Variants in PAFAH1B1 observed in about 807,000 individuals in gnomAD.
The protein encoded by PAFAH1B1 is platelet activating factor acetylhydrolase 1b regulatory subunit 1.
In PAFAH1B1, 2 loss-of-function variants were observed where a neutral mutation model predicts 57.5. The observed-to-expected ratio is 0.03, with a 90% confidence interval of 0.01 to 0.11. The LOEUF (loss-of-function observed/expected upper bound fraction) is 0.11, where lower values mean the gene tolerates loss of function less well. PAFAH1B1 is among the 10% of genes least tolerant of loss of function. The probability of loss-of-function intolerance (pLI) is 1.00; values close to 1 mark genes in which losing one functional copy is unlikely to be tolerated. For missense variants in PAFAH1B1, 257 were observed against 512.0 expected, an observed-to-expected ratio of 0.50 and a Z score of 4.81; for synonymous variants, 152 against 169.6, an observed-to-expected ratio of 0.90 and a Z score of 0.81.
chr17:2,593,338 G>C (rs973974134), upstream of PAFAH1B1: 1 of 152,612 alleles, frequency 6.6e-6, no homozygotes, highest in Admixed American at 6.5e-5. Context: ...GAGGTGAGCA[G>C]AGCCAGAGTT....
intron 9 of PAFAH1B1, among the ~76,000 whole-genome samples, chr17:2,677,962 TTAAAA>T (rs949163313): frequency 6.6e-6 from 1 of 151,970 alleles, no homozygotes; most frequent in Non-Finnish European, 1.5e-5. Context: ...TGATATATAA[TTAAAA>T]TAAAGCAGGC....
chr17:2,623,538 G>A (rs190412631), intron 1 of PAFAH1B1, among the ~76,000 whole-genome samples: 3 of 151,726 alleles, frequency 2.0e-5, no homozygotes, highest in East Asian at 1.9e-4. Flanking sequence ...GATTACAGGC[G>A]TGAGCCACTG....
chr17:2,677,166 T>C (rs2069283316), intron 9 of PAFAH1B1, among the ~76,000 whole-genome samples: 1 of 152,058 alleles, frequency 6.6e-6, no homozygotes, highest in South Asian at 2.1e-4. Context: ...AAAAATAAAA[T>C]AAAACAAATG....
chr17:2,648,347 A>G (rs1223036688), intron 2 of PAFAH1B1, among the ~76,000 whole-genome samples: 1 of 152,006 alleles, frequency 6.6e-6, no homozygotes, highest in Non-Finnish European at 1.5e-5. Context: ...ATCACCAAGT[A>G]TAATTTTTCC....
intron 1 of PAFAH1B1, among the ~76,000 whole-genome samples, chr17:2,605,867 GTGATGATTGA>G (rs535104750): frequency 6.3e-4 from 96 of 152,288 alleles, no homozygotes; most frequent in African/African-American, 1.9e-3. Flanking sequence ...TGTTATTATG[GTGATGATTGA>G]TGATGATTAA....
chr17:2,658,175 T>C (rs1052917619), intron 2 of PAFAH1B1, among the ~76,000 whole-genome samples: 1 of 152,242 alleles, frequency 6.6e-6, no homozygotes, highest in Admixed American at 6.5e-5. Context: ...CAGTCAATAA[T>C]ATAGTAACTT....
chr17:2,660,127 C>T (rs555254158), intron 2 of PAFAH1B1, among the ~76,000 whole-genome samples: 1 of 152,170 alleles, frequency 6.6e-6, no homozygotes, highest in African/African-American at 2.4e-5. Context: ...AACAGCCCTG[C>T]AGACATCTCA....
At chr17:2,643,464 A>G (rs182068035) in intron 2 of PAFAH1B1, among the ~76,000 whole-genome samples, 13 of 151,652 alleles carry the variant, frequency 8.6e-5, no homozygotes, top group African/African-American at 2.7e-4. Flanking sequence ...TGGTCTCACT[A>G]TGTTGCCCAG....
At chr17:2,673,746 G>A (rs1022636046) in intron 7 of PAFAH1B1, 3 of 322,554 alleles carry the variant, frequency 9.3e-6, no homozygotes, top group African/African-American at 4.2e-5. Flanking sequence ...AAAGTTACTA[G>A]TTTTACTCAG....
intron 1 of PAFAH1B1, among the ~76,000 whole-genome samples, chr17:2,599,886 A>G (rs1221347789): frequency 6.6e-6 from 1 of 151,778 alleles, no homozygotes; most frequent in East Asian, 1.9e-4. Flanking sequence ...ATCTTTGAAC[A>G]TTTTAATAAA....
intron 3 of PAFAH1B1, 140 bp downstream of exon 3, chr17:2,665,596 T>A (rs949900485): frequency 2.8e-5 from 16 of 574,352 alleles, no homozygotes; most frequent in Non-Finnish European, 4.9e-5. Context: ...ACTCCTTTTT[T>A]TTTTATTTTT....
At chr17:2,621,586 C>T (rs1053708374) in intron 1 of PAFAH1B1, among the ~76,000 whole-genome samples, 1 of 139,906 alleles carries the variant, frequency 7.1e-6, no homozygotes, top group African/African-American at 2.7e-5. Context: ...ACGTGCTATT[C>T]AAGCATGGTA....
Position 2,593,686 on chromosome 17 carries a change from G to C in PAFAH1B1, c.-511G>C. 3.2e-6 allele frequency: 1 copy of C among 310,790 alleles called. No individual in the cohort carries two copies. Among genetic ancestry groups the C allele is most frequent in the Non-Finnish European group, 5.8e-6 (1 of 171,598 alleles). 19.3% of individuals were successfully genotyped at this position (310,790 alleles called of 1,614,324 possible). On this transcript the variant is annotated 5_prime_UTR_variant, in exon 1 of 11. Coordinates refer to ENST00000397195, the MANE Select transcript of PAFAH1B1 (RefSeq NM_000430.4). ...GCTGGAGCGGCGGGGCGGCGGCGGAGTCCGGCGGCCGGGAGAGCGAGTGAG... is the reference window on the plus strand; with the variant it reads ...GCTGGAGCGGCGGGGCGGCGGCGGACTCCGGCGGCCGGGAGAGCGAGTGAG...
At chr17:2,679,169 C>T (rs1470574440) in intron 9 of PAFAH1B1, among the ~76,000 whole-genome samples, 1 of 152,178 alleles carries the variant, frequency 6.6e-6, no homozygotes, top group Non-Finnish European at 1.5e-5. Context: ...TTGTAGCAAA[C>T]CTTTAATTTA....
At chr17:2,649,829 T>C (rs759099000) in intron 2 of PAFAH1B1, among the ~76,000 whole-genome samples, 1 of 152,220 alleles carries the variant, frequency 6.6e-6, no homozygotes, top group Non-Finnish European at 1.5e-5. Flanking sequence ...CTATCAGATA[T>C]ACAAATATTA....
intron 2 of PAFAH1B1, among the ~76,000 whole-genome samples, chr17:2,650,644 A>C (rs1472508905): frequency 1.2e-5 from 1 of 82,000 alleles, no homozygotes; most frequent in Non-Finnish European, 3.0e-5. Context: ...TGTCTCAAAA[A>C]AAAAAAAAAA....
intron 1 of PAFAH1B1, among the ~76,000 whole-genome samples, chr17:2,607,209 C>G (rs942561664): frequency 6.6e-6 from 1 of 152,036 alleles, no homozygotes; most frequent in Non-Finnish European, 1.5e-5. Flanking sequence ...GAGTCTTGCT[C>G]TGTCACCAGA....
intron 2 of PAFAH1B1, among the ~76,000 whole-genome samples, chr17:2,650,897 T>G (rs773713161): frequency 8.5e-5 from 13 of 152,204 alleles, no homozygotes; most frequent in Non-Finnish European, 1.5e-4. Flanking sequence ...TTTAGGGTAC[T>G]GAGTCACCCA....
At chr17:2,627,327 G>C (rs2068506379) in intron 1 of PAFAH1B1, among the ~76,000 whole-genome samples, 1 of 152,128 alleles carries the variant, frequency 6.6e-6, no homozygotes, top group Admixed American at 6.6e-5. Flanking sequence ...AGTTATCTCA[G>C]CACTATTTAT....
Sources: gnomAD v4.1 joint callset for allele counts (sites outside exome capture counted in the v4.1 genomes callset) on GRCh38, gnomAD v4.1.1 for gene constraint, MANE v1.5 for transcripts, NCBI Gene and HGNC (gene_info 2026-07-23, HGNC 2026-07-21) for gene names.